The following QPCT variants were observed in gnomAD, a reference collection of about 807,000 sequenced individuals.
The protein encoded by QPCT is glutaminyl-peptide cyclotransferase.
A neutral mutation model predicts 43.4 loss-of-function variants in QPCT; 44 were observed. The ratio of observed to expected loss-of-function variants is 1.01; its 90% confidence interval spans 0.80 to 1.30. The LOEUF (loss-of-function observed/expected upper bound fraction) is 1.30. QPCT is among the 50% of genes most tolerant of loss of function. QPCT has a pLI of 0.00. For synonymous variants in QPCT, 168 were observed against 168.4 expected (o/e 1.00, Z 0.02); for missense variants, 526 against 436.5 (o/e 1.21, Z -1.83).
chr2:37,368,457 C>G lies in QPCT; in HGVS notation c.723+1049C>G, dbSNP rs554684062. On this transcript the variant is annotated intron_variant, in intron 4 of 6. Transcript: ENST00000338415. ...CTAGCCCCGGTGCCTTCATCCCTCCCTGACGCTCACCCCATCTGTGAACTG... is the reference window on the plus strand; with the variant it reads ...CTAGCCCCGGTGCCTTCATCCCTCCGTGACGCTCACCCCATCTGTGAACTG... 4.5e-5 allele frequency: 17 copies of G among 374,184 alleles called. No homozygotes were observed. In the East Asian group the frequency reaches 1.4e-3, roughly 30 times the overall value. 23.2% of individuals were successfully genotyped at this position (374,184 alleles called of 1,614,324 possible).
At chr2:37,359,894 G>A (rs776408172) in intron 3 of QPCT, 36 bp downstream of exon 3, 10 of 1,589,248 alleles carry the variant, frequency 6.3e-6, no homozygotes, top group Admixed American at 1.7e-5. Flanking sequence ...CTAGGATAAA[G>A]TACATTAACA....
intron 3 of QPCT, among the ~76,000 whole-genome samples, chr2:37,361,905 A>G (rs1316575310): frequency 1.3e-5 from 2 of 152,212 alleles, no homozygotes; most frequent in African/African-American, 4.8e-5. Context: ...TTCATACATC[A>G]GGCCAGTCAG....
In QPCT at chr2:37,372,359, A is replaced by G. The variant is rs774540075; in HGVS notation, c.827A>G (p.His276Arg). The G allele has an allele frequency of 3.7e-6, 6 of 1,607,222 alleles. No homozygotes were observed. The highest frequency in any genetic ancestry group is 5.1e-6 in the Non-Finnish European group (6 of 1,173,716). The stretch of plus-strand genomic sequence containing the variant: ...ACTGTATAATTGTCATCTACAGAAC[A>G]TGAACTTCATGAATTGGGTTTGCTC... Reference protein sequence around the residue: ...RWFERLQAIEHELHELGLLKD... With the variant: ...RWFERLQAIERELHELGLLKD... Residue 276 changes from histidine (H) to arginine (R), a missense_variant, in exon 6 of 7, where the codon CAT becomes CGT. By Grantham distance (29) the His-to-Arg change is conservative. Coordinates refer to ENST00000338415, the MANE Select transcript of QPCT (RefSeq NM_012413.4).
chr2:37,359,390 A>T (rs1417077365), intron 2 of QPCT, among the ~76,000 whole-genome samples, 190 bp from the exon 3 acceptor site: 2 of 152,258 alleles, frequency 1.3e-5, no homozygotes, highest in African/African-American at 4.8e-5. Context: ...TTCTCCTTTA[A>T]ACAGGACAAA....
intron 3 of QPCT, 187 bp downstream of exon 3, chr2:37,360,045 T>C (rs1437187852): frequency 3.2e-6 from 2 of 631,490 alleles, no homozygotes; most frequent in African/African-American, 3.7e-5. Flanking sequence ...AAACCTAAGA[T>C]ACGTGACAAT....
At chr2:37,369,073 C>G (rs1673022246) in intron 4 of QPCT, among the ~76,000 whole-genome samples, 1 of 152,048 alleles carries the variant, frequency 6.6e-6, no homozygotes, top group African/African-American at 2.4e-5. Flanking sequence ...AGGTCTTAAT[C>G]TAGTGAGTAG....
chr2:37,367,177 T>G, intron 3 of QPCT, 55 bp from the exon 4 acceptor site: 1 of 1,511,086 alleles, frequency 6.6e-7, no homozygotes, highest in Non-Finnish European at 9.0e-7. Context: ...AAAATCATGC[T>G]ATTTTTCATC....
At chr2:37,359,990 A>G in intron 3 of QPCT, 132 bp downstream of exon 3, 1 of 977,016 alleles carries the variant, frequency 1.0e-6, no homozygotes, top group Non-Finnish European at 1.5e-6. Context: ...TATTATGAAC[A>G]TTAATTGTAA....
intron 5 of QPCT, 47 bp from the exon 6 acceptor site, chr2:37,372,309 A>G (rs1673093333): frequency 1.5e-6 from 2 of 1,307,890 alleles, no homozygotes; most frequent in South Asian, 1.2e-5. Flanking sequence ...ATGAGTCTTG[A>G]TAAGATAAAA....
In QPCT at chr2:37,359,743, A is replaced by G. The variant is rs772926851; in HGVS notation, c.431A>G (p.Lys144Arg). 9 of 1,614,010 alleles carry G rather than the reference A, an allele frequency of 5.6e-6. No homozygotes were observed. Among genetic ancestry groups the G allele is most frequent in the African/African-American group, 1.3e-5 (1 of 74,918 alleles). The change falls in exon 3 of 7, where the codon AAG (lysine) becomes AGG (arginine). Residue 144 changes from lysine (K) to arginine (R), a missense_variant. Lys to Arg is a conservative substitution (Grantham distance 26, BLOSUM62 2). Coordinates refer to ENST00000338415, the MANE Select transcript of QPCT (RefSeq NM_012413.4). Reference protein sequence around the residue: ...HLVLACHYDSKYFSHWNNRVF... With the variant: ...HLVLACHYDSRYFSHWNNRVF... ...GTCCTCGCCTGCCACTATGACTCCA[A>G]GTATTTTTCCCACTGGAACAACAGA...
intron 1 of QPCT, among the ~76,000 whole-genome samples, chr2:37,350,988 C>G (rs1017782790): frequency 6.6e-6 from 1 of 152,126 alleles, no homozygotes; most frequent in African/African-American, 2.4e-5. Context: ...AGTTGAGAGG[C>G]TGAGTTGAGA....
At chr2:37,361,986 T>A (rs1396420246) in intron 3 of QPCT, among the ~76,000 whole-genome samples, 1 of 152,214 alleles carries the variant, frequency 6.6e-6, no homozygotes, top group East Asian at 1.9e-4. Context: ...CTGCCATTCC[T>A]GAAATGAAGC....
At chr2:37,359,963 G>C in intron 3 of QPCT, 105 bp downstream of exon 3, 4 of 1,194,112 alleles carry the variant, frequency 3.3e-6, no homozygotes, top group Non-Finnish European at 4.7e-6. Flanking sequence ...TAGAAATGGA[G>C]ACTTTTGGTA....
chr2:37,359,428 G>A, intron 2 of QPCT, 152 bp from the exon 3 acceptor site: 2 of 721,838 alleles, frequency 2.8e-6, no homozygotes, highest in Non-Finnish European at 4.5e-6. Flanking sequence ...ACAATACAAA[G>A]CAATTATTAA....
chr2:37,353,819 C>A (rs1672675860), intron 2 of QPCT, among the ~76,000 whole-genome samples: 1 of 152,220 alleles, frequency 6.6e-6, no homozygotes, highest in Non-Finnish European at 1.5e-5. Flanking sequence ...CCTTGGCACC[C>A]ACTGCTGTGC....
rs958200755 is a variant in QPCT, at chr2:37,359,929, C to G, written c.546+71C>G. ...AGTAACTCAGAGTGAATTCTAGAAT[C>G]CTTGGAGGAATGAGAAGGCCATTTA... On this transcript the variant is annotated intron_variant, in intron 3 of 6. Coordinates refer to ENST00000338415, the MANE Select transcript of QPCT (RefSeq NM_012413.4). 8 of 1,478,832 alleles carry G rather than the reference C, an allele frequency of 5.4e-6. No homozygotes were observed. The African/African-American group carries it at 1.1e-4, about 21-fold the overall frequency. The allele number at this position is 1,478,832 out of a possible 1,614,324, so 91.6% of individuals were successfully genotyped here.
rs920264755 is a variant in QPCT, at chr2:37,349,355, C to G, written c.121-3434C>G. ...ATTTACCCTTTAGTCATCCATTAAG[C>G]ATTTTTTGGTGCTATTTGCCAATTA... is the stretch of plus-strand genomic sequence containing the variant. On this transcript the variant is annotated intron_variant, in intron 1 of 6. Coordinates refer to ENST00000338415, the MANE Select transcript of QPCT (RefSeq NM_012413.4). Among the ~76,000 whole-genome samples, 3 of 152,334 alleles carry G rather than the reference C, an allele frequency of 2.0e-5. No homozygotes were observed. In the East Asian group the frequency reaches 5.8e-4, roughly 29 times the overall value.
intron 2 of QPCT, among the ~76,000 whole-genome samples, chr2:37,354,132 G>A (rs1184125984): frequency 6.6e-6 from 1 of 152,214 alleles, no homozygotes; most frequent in Non-Finnish European, 1.5e-5. Context: ...CCGAAGTGCT[G>A]GGATTACAGG....
chr2:37,359,999 A>C, intron 3 of QPCT, 141 bp downstream of exon 3: 1 of 916,756 alleles, frequency 1.1e-6, no homozygotes, highest in Non-Finnish European at 1.6e-6. Flanking sequence ...CATTAATTGT[A>C]AGATTGCATG....
Sources: gnomAD v4.1 joint callset for allele counts (sites outside exome capture counted in the v4.1 genomes callset) on GRCh38, gnomAD v4.1.1 for gene constraint, MANE v1.5 for transcripts, NCBI Gene and HGNC (gene_info 2026-07-23, HGNC 2026-07-21) for gene names.